IPO9: variants seen among roughly 807,000 people sequenced by gnomAD.
IPO9 encodes importin-9.
IPO9 carries 28 observed loss-of-function variants against 128.6 expected under a neutral mutation model. The ratio of observed to expected loss-of-function variants is 0.22; its 90% confidence interval spans 0.16 to 0.30. The LOEUF (loss-of-function observed/expected upper bound fraction) is 0.30, where lower values mean the gene tolerates loss of function less well. Among genes scored for constraint, IPO9 ranks in the 10% least tolerant of loss-of-function variants. The pLI is 1.00. For synonymous variants in IPO9, 455 were observed against 475.8 expected (o/e 0.96, Z 0.57); for missense variants, 935 against 1,293.9 (o/e 0.72, Z 4.26).
rs1679774875 is a variant in IPO9, at chr1:201,829,180, C to T, written c.-30C>T. On this transcript the variant is annotated 5_prime_UTR_variant, in exon 1 of 24. Transcript: ENST00000361565. ...CCGTCATTCGGTGGCGGGTCCCGGC[C>T]GCGGGGCTGGCGGGCTGAGGGGAGA... is the stretch of plus-strand genomic sequence containing the variant. 3.4e-6 allele frequency: 5 copies of T among 1,467,032 alleles called. No individual in the cohort carries two copies. Among genetic ancestry groups the T allele is most frequent in the East Asian group, 2.9e-5 (1 of 34,050 alleles). The allele number at this position is 1,467,032 out of a possible 1,614,324, so 90.9% of individuals were successfully genotyped here. A position where few individuals can be genotyped will look rare whatever the true frequency, so the allele number is the denominator to read the frequency against.
Position 201,868,653 on chromosome 1 carries a change from G to T in IPO9, c.1861G>T (p.Val621Phe). ...TGTTGCCTTATCCACTTCAGATCCCGTCGTCGCCTCACTGGCTCAGGACAT... is the reference window on the plus strand; with the variant it reads ...TGTTGCCTTATCCACTTCAGATCCCTTCGTCGCCTCACTGGCTCAGGACAT... ...AIFLKYSNDP[V>F]VASLAQDIFK... The change falls in exon 16 of 24, where the codon GTC (valine) becomes TTC (phenylalanine). Residue 621 changes from valine to phenylalanine, a missense_variant. This residue lies in a region of IPO9 where 741 missense variants were observed against 1,019.1 expected (regional missense o/e 0.73). Coordinates refer to ENST00000361565, the MANE Select transcript of IPO9 (RefSeq NM_018085.5). 4 of 1,613,332 alleles carry T rather than the reference G, an allele frequency of 2.5e-6. No individual in the cohort carries two copies. Among genetic ancestry groups the T allele is most frequent in the Non-Finnish European group, 3.4e-6 (4 of 1,179,654 alleles).
intron 19 of IPO9, among the ~76,000 whole-genome samples, chr1:201,872,065 T>A (rs1352255720): frequency 6.6e-6 from 1 of 152,022 alleles, no homozygotes; most frequent in Non-Finnish European, 1.5e-5. Context: ...TGAAACACTG[T>A]CTCTACTATA....
intron 11 of IPO9, 114 bp downstream of exon 11, chr1:201,857,308 A>G: frequency 1.4e-6 from 1 of 693,944 alleles, no homozygotes; most frequent in East Asian, 2.6e-5. Flanking sequence ...GCTTTATCTC[A>G]GACTTTATTG....
rs969636317 is a variant in IPO9, at chr1:201,880,543, T to A, written c.*4489T>A. On this transcript the variant is annotated 3_prime_UTR_variant, in exon 24 of 24. Transcript: ENST00000361565. ...GTCCAGTGAAATACATACTATACTT[T>A]TGCACCCCAGCTAAGCTGACCCATG... 3 of 152,342 alleles carry A rather than the reference T, an allele frequency of 2.0e-5. No homozygotes were observed. Among genetic ancestry groups the A allele is most frequent in the African/African-American group, 7.2e-5 (3 of 41,566 alleles). 9.4% of individuals were successfully genotyped at this position (152,342 alleles called of 1,614,324 possible). A position where few individuals can be genotyped will look rare whatever the true frequency, so the allele number is the denominator to read the frequency against.
intron 17 of IPO9, 21 bp downstream of exon 17, chr1:201,869,739 A>C: frequency 6.2e-7 from 1 of 1,612,966 alleles, no homozygotes; most frequent in East Asian, 2.2e-5. Context: ...CATGGAGAGT[A>C]GAAGAGGGAA....
In IPO9 at chr1:201,858,437, C is replaced by T. The variant is rs1400591982; in HGVS notation, c.1222-10C>T. ...CACAAACAGATTTATTAGCTCTTCT[C>T]TCTCTATAGGCTGTGGCCACAGATT... On this transcript the variant is annotated splice_polypyrimidine_tract_variant and intron_variant, in intron 11 of 23. Transcript: ENST00000361565. 1.4e-6 allele frequency: 2 copies of T among 1,475,642 alleles called. No homozygotes were observed. The highest frequency in any genetic ancestry group is 1.3e-5 in the South Asian group (1 of 77,924). 91.4% of individuals were successfully genotyped at this position (1,475,642 alleles called of 1,614,324 possible).
intron 13 of IPO9, among the ~76,000 whole-genome samples, chr1:201,860,364 G>A (rs961221687): frequency 6.6e-6 from 1 of 152,154 alleles, no homozygotes; most frequent in Admixed American, 6.5e-5. Context: ...GGAATATCCT[G>A]TTTCACTCTG....
intron 20 of IPO9, 103 bp downstream of exon 20, chr1:201,873,064 T>C (rs1405021409): frequency 3.2e-6 from 4 of 1,237,982 alleles, no homozygotes; most frequent in East Asian, 5.4e-5. Flanking sequence ...TTTAAAACAA[T>C]TGTTGGTGAT....
At chr1:201,849,927 C>CT (rs901150172) in intron 4 of IPO9, among the ~76,000 whole-genome samples, 9 of 152,238 alleles carry the variant, frequency 5.9e-5, no homozygotes, top group East Asian at 1.9e-4. Flanking sequence ...TGGAATTGGC[C>CT]TTTTAGGATT....
At position 201,876,165 on chromosome 1, in the gene IPO9, C is replaced by G. The variant is rs775288011; in HGVS notation, c.*111C>G. 1 of 808,008 alleles carries G rather than the reference C, an allele frequency of 1.2e-6. No individual in the cohort carries two copies. Among genetic ancestry groups the G allele is most frequent in the Admixed American group, 1.7e-5 (1 of 57,444 alleles). The allele number at this position is 808,008 out of a possible 1,614,324, so 50.1% of individuals were successfully genotyped here. A position where few individuals can be genotyped will look rare whatever the true frequency, so the allele number is the denominator to read the frequency against. On this transcript the variant is annotated 3_prime_UTR_variant, in exon 24 of 24. Transcript: ENST00000361565. ...CTCAACCTAAAGTGGCATCTTGACCCTTGGCCCTTGGCCTCGGCAGTGACA... is the reference window on the plus strand; with the variant it reads ...CTCAACCTAAAGTGGCATCTTGACCGTTGGCCCTTGGCCTCGGCAGTGACA...
chr1:201,832,008 TCTC>T (rs1353038994), intron 1 of IPO9, among the ~76,000 whole-genome samples: 1 of 151,632 alleles, frequency 6.6e-6, no homozygotes, highest in Non-Finnish European at 1.5e-5. Flanking sequence ...TTCAAGCAAT[TCTC>T]CTGCCTCAGC....
In IPO9 at chr1:201,863,627, G is replaced by A. The variant is rs750011526; in HGVS notation, c.1628+20G>A. 1.8e-5 allele frequency: 28 copies of A among 1,556,474 alleles called. No homozygotes were observed. Among genetic ancestry groups the A allele is most frequent in the African/African-American group, 2.7e-5 (2 of 74,162 alleles). On this transcript the variant is annotated intron_variant, in intron 14 of 23. Transcript: ENST00000361565. ...CTGGGGGTGAGTATGCTACCCTAGC[G>A]TGATAATTAAGGGAAAGTTGCTCAG...
At chr1:201,845,963 C>G (rs1230973830) in intron 1 of IPO9, among the ~76,000 whole-genome samples, 2 of 152,148 alleles carry the variant, frequency 1.3e-5, no homozygotes, top group Admixed American at 1.3e-4. Flanking sequence ...TAATTTGGAG[C>G]CAGGCACAGT....
chr1:201,832,256 C>CTTTT (rs11450190), intron 1 of IPO9, among the ~76,000 whole-genome samples: 2 of 143,556 alleles, frequency 1.4e-5, no homozygotes, highest in Admixed American at 6.9e-5. Context: ...CTAGGAAACA[C>CTTTT]TTTTTTTTTT....
intron 5 of IPO9, among the ~76,000 whole-genome samples, chr1:201,852,728 A>C (rs538981348): frequency 6.6e-6 from 1 of 152,298 alleles, no homozygotes; most frequent in East Asian, 1.9e-4. Flanking sequence ...TTGGGATTTT[A>C]AGCACTACCT....
Position 201,875,193 on chromosome 1 carries a change from G to T in IPO9, c.2980G>T (p.Ala994Ser), listed in dbSNP as rs766108043. 1.9e-5 allele frequency: 31 copies of T among 1,614,068 alleles called. No homozygotes were observed. In the South Asian group the frequency reaches 3.1e-4, roughly 16 times the overall value. Reference protein sequence around the residue: ...YEDDEEDDPDALKDPLYQIDL... With the variant: ...YEDDEEDDPDSLKDPLYQIDL... ...GGATGATGAGGAAGATGACCCTGAT[G>T]CCCTGAAGGATCCTCTCTATCAGAT... The change falls in exon 23 of 24, where the codon GCC becomes TCC. Residue 994 changes from alanine to serine, a missense_variant. Coordinates refer to ENST00000361565, the MANE Select transcript of IPO9 (RefSeq NM_018085.5).
At position 201,866,902 on chromosome 1, in the gene IPO9, A is replaced by G; in HGVS notation, c.1798A>G (p.Ser600Gly). 1.2e-6 allele frequency: 2 copies of G among 1,614,218 alleles called. No individual in the cohort carries two copies. The highest frequency in any genetic ancestry group is 1.7e-6 in the Non-Finnish European group (2 of 1,180,038). Residue 600 changes from serine to glycine, a missense_variant, in exon 15 of 24, where the codon AGC becomes GGC. Transcript: ENST00000361565. ...TACAGTAGACCCCGAATTCACAGCA[A>G]GCATGGAAAGCAAAATCTGCCCCTT... ...VCTVDPEFTASMESKICPFTI... is the reference protein window; with the variant it reads ...VCTVDPEFTAGMESKICPFTI...
chr1:201,857,995 C>T (rs1252402744), intron 11 of IPO9, among the ~76,000 whole-genome samples: 3 of 152,190 alleles, frequency 2.0e-5, no homozygotes, highest in South Asian at 2.1e-4. Context: ...GAAACTGCCA[C>T]TTGCTTCTTG....
chr1:201,835,912 C>G (rs1002729953), intron 1 of IPO9, among the ~76,000 whole-genome samples: 4 of 152,008 alleles, frequency 2.6e-5, no homozygotes, highest in African/African-American at 9.7e-5. Context: ...GAGATCAAGA[C>G]CATCCTGGCT....
Sources: allele counts gnomAD v4.1 joint callset (sites outside exome capture counted in the v4.1 genomes callset), GRCh38; gene constraint gnomAD v4.1.1; regional missense constraint gnomAD v4.1.1; transcripts MANE v1.5; gene names NCBI Gene and HGNC (gene_info 2026-07-23, HGNC 2026-07-21).